Variants in EPHB1 observed in about 807,000 individuals in gnomAD.
EPHB1 encodes the protein EPH receptor B1.
EPHB1 carries 30 observed loss-of-function variants against 94.4 expected under a neutral mutation model. The observed-to-expected ratio is 0.32, with a 90% CI of 0.24 to 0.43. The LOEUF is 0.43. EPHB1 is among the 20% of genes least tolerant of loss of function. The probability of loss-of-function intolerance (pLI) is 1.00; values close to 1 mark genes in which losing one functional copy is unlikely to be tolerated. For synonymous variants in EPHB1, 522 were observed against 489.1 expected (o/e 1.07, Z -0.89); for missense variants, 1,055 against 1,308.3 (o/e 0.81, Z 2.99).
chr3:135,167,022 AGACCCGGTGTCT>A lies in EPHB1; in HGVS notation c.1759+22_1759+33del. On this transcript the variant is annotated intron_variant, in intron 9 of 15. Transcript: ENST00000398015. ...ACAGGCCGAGGTAAGTAGAAAGCAG[AGACCCGGTGTCT>A]GACCCCCACAGGCCACTGAGTCAAG... The A allele has an allele frequency of 6.2e-7, 1 of 1,613,884 alleles. No homozygotes were observed. Among genetic ancestry groups the A allele is most frequent in the Non-Finnish European group, 8.5e-7 (1 of 1,179,828 alleles).
Position 134,955,105 on chromosome 3 carries a change from A to ATTTTTTTTTTTTTTTTTTTTTTTTTTT in EPHB1, c.805+3066_805+3067insTTTTTTTTTTTTTTTTTTTTTTTTTTT, listed in dbSNP as rs1174011769. Among the ~76,000 whole-genome samples, 36 of 24,130 alleles carry ATTTTTTTTTTTTTTTTTTTTTTTTTTT rather than the reference A, an allele frequency of 1.5e-3. 2 individuals are homozygous for ATTTTTTTTTTTTTTTTTTTTTTTTTTT. The highest frequency in any genetic ancestry group is 3.4e-3 in the Admixed American group (5 of 1,450). The allele number at this position is 24,130 out of a possible 152,430, so 15.8% of individuals were successfully genotyped here. A position where few individuals can be genotyped will look rare whatever the true frequency, so the allele number is the denominator to read the frequency against. Reference sequence around the variant, plus strand: ...TTTTTTTTTTTTTTTTTTTTTTTTAATTTTTTTTTTTTTAATTATACTCTA... The same window carrying ATTTTTTTTTTTTTTTTTTTTTTTTTTT: ...TTTTTTTTTTTTTTTTTTTTTTTTAATTTTTTTTTTTTTTTTTTTTTTTTTTTTTTTTTTTTTTTTAATTATACTCTA... On this transcript the variant is annotated intron_variant, in intron 3 of 15. Transcript: ENST00000398015.
At position 135,201,486 on chromosome 3, in the gene EPHB1, C is replaced by A. The variant is rs1942754520; in HGVS notation, c.2143C>A (p.Gln715Lys). 6.2e-7 allele frequency: 1 copy of A among 1,613,958 alleles called. No homozygotes were observed. The highest frequency in any genetic ancestry group is 8.5e-7 in the Non-Finnish European group (1 of 1,179,982). The change falls in exon 12 of 16, where the codon CAG becomes AAG. Residue 715 changes from glutamine to lysine, a missense_variant. Transcript: ENST00000398015. The part of the protein sequence containing the change: ...LDSFLRQNDG[Q>K]FTVIQLVGML... ...TGTCTTATTACAGCAAAATGACGGG[C>A]AGTTCACCGTGATCCAGCTTGTGGG...
intron 1 of EPHB1, among the ~76,000 whole-genome samples, chr3:134,818,553 A>G (rs1415165881): frequency 6.6e-6 from 1 of 152,180 alleles, no homozygotes; most frequent in East Asian, 1.9e-4. Flanking sequence ...CTTACCCCAA[A>G]GTCCCCAAAA....
At chr3:135,032,658 G>C (rs1487839082) in intron 3 of EPHB1, among the ~76,000 whole-genome samples, 1 of 152,196 alleles carries the variant, frequency 6.6e-6, no homozygotes, top group African/African-American at 2.4e-5. Flanking sequence ...CCATTGTTGG[G>C]TGGTGAGATG....
intron 1 of EPHB1, among the ~76,000 whole-genome samples, chr3:134,816,696 C>G (rs2036279950): frequency 6.6e-6 from 1 of 151,956 alleles, no homozygotes; most frequent in African/African-American, 2.4e-5. Context: ...TTGCCAATAC[C>G]TTGTCTGGCC....
chr3:134,880,393 A>T (rs1017221316), intron 1 of EPHB1, among the ~76,000 whole-genome samples: 1 of 152,206 alleles, frequency 6.6e-6, no homozygotes, highest in Admixed American at 6.5e-5. Context: ...TGATGACTCC[A>T]TACAGGGTAC....
At chr3:135,047,648 T>C (rs533158117) in intron 3 of EPHB1, among the ~76,000 whole-genome samples, 2 of 152,354 alleles carry the variant, frequency 1.3e-5, no homozygotes, top group South Asian at 4.1e-4. Context: ...ATCTACTCCG[T>C]TTATTCATTC....
intron 3 of EPHB1, among the ~76,000 whole-genome samples, chr3:134,982,875 A>G (rs1934459320): frequency 6.6e-6 from 1 of 152,116 alleles, no homozygotes; most frequent in African/African-American, 2.4e-5. Flanking sequence ...GTGCAGTTAA[A>G]TAATGGTTTA....
intron 3 of EPHB1, among the ~76,000 whole-genome samples, chr3:135,019,551 G>A (rs1935920189): frequency 6.6e-6 from 1 of 152,116 alleles, no homozygotes; most frequent in African/African-American, 2.4e-5. Flanking sequence ...AAGAAAAAAT[G>A]AAAATCACCC....
intron 3 of EPHB1, among the ~76,000 whole-genome samples, chr3:135,062,862 G>A (rs112694443): frequency 0.039 from 5,953 of 152,142 alleles, 163 homozygotes; most frequent in East Asian, 0.14. Context: ...TGATTTTTGT[G>A]TAAAGTGACA....
At position 134,951,067 on chromosome 3, in the gene EPHB1, A is replaced by G. The variant is rs1024479643; in HGVS notation, c.124-304A>G. Among the ~76,000 whole-genome samples, 1 of 152,244 alleles carries G rather than the reference A, an allele frequency of 6.6e-6. No homozygotes were observed. On this transcript the variant is annotated intron_variant, in intron 2 of 15. Coordinates refer to ENST00000398015, the MANE Select transcript of EPHB1 (RefSeq NM_004441.5). The surrounding 1 kb of genome is among the most constrained non-coding windows in gnomAD (Gnocchi z 4.5). ...TGCCATCACATGGGCTGAAAGCTGC[A>G]TGTTGTCCCCATGGATGTAATAAGC...
At chr3:135,192,068 C>T (rs912702389) in intron 10 of EPHB1, among the ~76,000 whole-genome samples, 1 of 152,250 alleles carries the variant, frequency 6.6e-6, no homozygotes, top group Non-Finnish European at 1.5e-5. Flanking sequence ...TTCCTAACTC[C>T]TCAGTGTCTG....
At position 134,806,492 on chromosome 3, in the gene EPHB1, C is replaced by T. The variant is rs372812396; in HGVS notation, c.58+10803C>T. Among the ~76,000 whole-genome samples the T allele has an allele frequency of 1.5e-4, 23 of 152,326 alleles. No individual in the cohort carries two copies. In the East Asian group the frequency reaches 4.1e-3, roughly 27 times the overall value. On this transcript the variant is annotated intron_variant, in intron 1 of 15. Coordinates refer to ENST00000398015, the MANE Select transcript of EPHB1 (RefSeq NM_004441.5). Reference sequence around the variant, plus strand: ...CCATCCTTCCAGGCACCCCTGCTGACTCTGAGTAGGGAGAGCCAAGCTTTC... The same window carrying T: ...CCATCCTTCCAGGCACCCCTGCTGATTCTGAGTAGGGAGAGCCAAGCTTTC...
At chr3:135,125,926 C>T (rs566294966) in intron 4 of EPHB1, among the ~76,000 whole-genome samples, 4 of 152,292 alleles carry the variant, frequency 2.6e-5, no homozygotes, top group Middle Eastern at 3.4e-3. Flanking sequence ...ATCTCAAAGA[C>T]CCTTTTACCT....
intron 4 of EPHB1, among the ~76,000 whole-genome samples, chr3:135,127,337 C>A (rs980461057): frequency 6.6e-6 from 1 of 152,164 alleles, no homozygotes; most frequent in Non-Finnish European, 1.5e-5. Flanking sequence ...CACCTCTGGC[C>A]TGATGCAGAG....
chr3:135,133,689 C>T (rs571000927), intron 5 of EPHB1, among the ~76,000 whole-genome samples: 26 of 152,306 alleles, frequency 1.7e-4, no homozygotes, highest in African/African-American at 5.5e-4. Flanking sequence ...GGCAATAGAT[C>T]GCTCCTGATA....
At chr3:134,864,232 C>T (rs368838247) in intron 1 of EPHB1, among the ~76,000 whole-genome samples, 3 of 152,114 alleles carry the variant, frequency 2.0e-5, no homozygotes, top group Admixed American at 1.3e-4. Context: ...CTTTTCATCC[C>T]GTTTTATGGG....
chr3:135,162,247 A>T, intron 7 of EPHB1, 67 bp downstream of exon 7: 1 of 1,483,120 alleles, frequency 6.7e-7, no homozygotes, highest in South Asian at 1.4e-5. Context: ...GTAGCCCCAA[A>T]GATGCTGCAC....
At chr3:134,816,375 G>A (rs1003850824) in intron 1 of EPHB1, among the ~76,000 whole-genome samples, 1 of 149,182 alleles carries the variant, frequency 6.7e-6, no homozygotes, top group Non-Finnish European at 1.5e-5. Context: ...TTACAGGTGT[G>A]AGCCACCGTG....
Sources: allele counts gnomAD v4.1 joint callset (sites outside exome capture counted in the v4.1 genomes callset), GRCh38; gene constraint gnomAD v4.1.1; non-coding constraint Gnocchi (gnomAD v3.1); transcripts MANE v1.5; gene names NCBI Gene and HGNC (gene_info 2026-07-23, HGNC 2026-07-21).